NR1H4: variants seen among roughly 807,000 people sequenced by gnomAD.
NR1H4 encodes the protein bile acid receptor.
A neutral mutation model predicts 58.5 loss-of-function variants in NR1H4; 23 were observed. The ratio of observed to expected loss-of-function variants is 0.39; its 90% CI spans 0.28 to 0.56. NR1H4 has a LOEUF of 0.56. Among genes scored for constraint, NR1H4 ranks in the 20% least tolerant of loss-of-function variants. The pLI is 0.58. For synonymous variants in NR1H4, 214 were observed against 198.0 expected (o/e 1.08, Z -0.68); for missense variants, 487 against 576.9 (o/e 0.84, Z 1.60).
intron 1 of NR1H4, among the ~76,000 whole-genome samples, chr12:100,482,326 G>A (rs942192585): frequency 6.6e-6 from 1 of 151,976 alleles, no homozygotes; most frequent in Non-Finnish European, 1.5e-5. Flanking sequence ...TTCGGCTCTT[G>A]TGTGTATTGT....
rs140003986 is a variant in NR1H4 at position 100,513,431 on chromosome 12, G to A, written c.445+2288G>A. Among the ~76,000 whole-genome samples, 626 of 150,922 alleles carry A rather than the reference G, an allele frequency of 4.1e-3. 8 individuals are homozygous for A. Among genetic ancestry groups the A allele is most frequent in the African/African-American group, 0.014 (591 of 41,052 alleles). On this transcript the variant is annotated intron_variant, in intron 4 of 10. Coordinates refer to ENST00000392986, the MANE Select transcript of NR1H4 (RefSeq NM_001206979.2). ...TTGAGCTGGCAGAGCTGTGGAGATC[G>A]AGATCTGCTTATGTTAAAGATTTTA... is the stretch of plus-strand genomic sequence containing the variant.
intron 1 of NR1H4, among the ~76,000 whole-genome samples, chr12:100,482,283 A>G (rs1953398561): frequency 6.6e-6 from 1 of 151,882 alleles, no homozygotes; most frequent in Admixed American, 6.5e-5. Flanking sequence ...CTTAGTTGTT[A>G]GATTTCTTTA....
chr12:100,522,330 T>C (rs753799184), intron 4 of NR1H4, among the ~76,000 whole-genome samples: 23 of 152,142 alleles, frequency 1.5e-4, no homozygotes, highest in Non-Finnish European at 2.2e-4. Flanking sequence ...ATTTGTTTAA[T>C]CTTCAGGACA....
At position 100,536,579 on chromosome 12, in the gene NR1H4, A is replaced by G; in HGVS notation, c.800A>G (p.Gln267Arg). ...LHFIMDSYNK[Q>R]RMPQEITNKI... Reference sequence around the variant, plus strand: ...TTTATTATGGATTCATATAACAAACAGAGGATGCCTCAGGAAATAACAAAT... The same window carrying G: ...TTTATTATGGATTCATATAACAAACGGAGGATGCCTCAGGAAATAACAAAT... Residue 267 changes from glutamine (Q) to arginine (R), a missense_variant, in exon 7 of 11, where the codon CAG becomes CGG. Transcript: ENST00000392986. 6.3e-7 allele frequency: 1 copy of G among 1,598,822 alleles called. No individual in the cohort carries two copies. Among genetic ancestry groups the G allele is most frequent in the Non-Finnish European group, 8.6e-7 (1 of 1,166,218 alleles).
intron 1 of NR1H4, among the ~76,000 whole-genome samples, chr12:100,486,783 G>C (rs2136088595): frequency 6.6e-6 from 1 of 151,850 alleles, no homozygotes; most frequent in South Asian, 2.1e-4. Context: ...AATGGGTGAG[G>C]GAAAATGTAC....
chr12:100,516,775 A>G (rs531183596), intron 4 of NR1H4, among the ~76,000 whole-genome samples: 2 of 152,340 alleles, frequency 1.3e-5, no homozygotes, highest in Non-Finnish European at 2.9e-5. Context: ...AGGAATAAGC[A>G]TATCATTTCC....
chr12:100,482,172 A>G (rs1374691625), intron 1 of NR1H4, among the ~76,000 whole-genome samples: 1 of 152,178 alleles, frequency 6.6e-6, no homozygotes, highest in Non-Finnish European at 1.5e-5. Flanking sequence ...CAACTCATGT[A>G]TAAAATGGTT....
intron 4 of NR1H4, among the ~76,000 whole-genome samples, chr12:100,517,753 G>A (rs1954304501): frequency 6.6e-6 from 1 of 152,086 alleles, no homozygotes; most frequent in African/African-American, 2.4e-5. Flanking sequence ...TTGTAGTTTT[G>A]CATTTTCCTG....
In NR1H4 at chr12:100,479,060, A is replaced by G. The variant is rs558555876; in HGVS notation, c.-190+5001A>G. Among the ~76,000 whole-genome samples, 5 of 151,898 alleles carry G rather than the reference A, an allele frequency of 3.3e-5. 1 individual carries two copies. The highest frequency in any genetic ancestry group is 9.7e-5 in the African/African-American group (4 of 41,398). On this transcript the variant is annotated intron_variant, in intron 1 of 10. Transcript: ENST00000392986. ...AATTTCCTTTTTGTATCCTTTGCCAATTTCTCTCTTGGGTTGTTTATCCTT... is the reference window on the plus strand; with the variant it reads ...AATTTCCTTTTTGTATCCTTTGCCAGTTTCTCTCTTGGGTTGTTTATCCTT...
intron 1 of NR1H4, among the ~76,000 whole-genome samples, chr12:100,487,589 C>T (rs191632972): frequency 8.0e-6 from 1 of 124,774 alleles, no homozygotes; most frequent in African/African-American, 2.6e-5. Context: ...GATTCTTCTT[C>T]TTCTTCTTTT....
intron 1 of NR1H4, among the ~76,000 whole-genome samples, chr12:100,476,747 TAC>T (rs1272710764): frequency 6.6e-6 from 1 of 152,128 alleles, no homozygotes; most frequent in African/African-American, 2.4e-5. Flanking sequence ...ACAAGCTAGA[TAC>T]AGTGATGAGT....
intron 4 of NR1H4, 46 bp downstream of exon 4, chr12:100,511,189 T>G: frequency 6.2e-7 from 1 of 1,613,636 alleles, no homozygotes; most frequent in Non-Finnish European, 8.5e-7. Flanking sequence ...TTTTACTATA[T>G]TGGTTGTTGA....
intron 1 of NR1H4, among the ~76,000 whole-genome samples, chr12:100,486,689 C>T (rs567429712): frequency 2.0e-5 from 3 of 151,486 alleles, no homozygotes; most frequent in East Asian, 1.9e-4. Flanking sequence ...AGAGAATGAT[C>T]GATAATAAGA....
intron 9 of NR1H4, among the ~76,000 whole-genome samples, chr12:100,553,666 G>A (rs1955258169): frequency 6.6e-6 from 1 of 152,234 alleles, no homozygotes; most frequent in South Asian, 2.1e-4. Flanking sequence ...GAGGAAGGGT[G>A]ACAGCAGAAT....
chr12:100,507,181 T>A (rs1953986812), intron 3 of NR1H4, among the ~76,000 whole-genome samples: 1 of 152,020 alleles, frequency 6.6e-6, no homozygotes, highest in Admixed American at 6.6e-5. Context: ...GGAAGGGGAG[T>A]TAAGGGAATA....
chr12:100,490,957 A>G (rs1279634460), intron 1 of NR1H4, among the ~76,000 whole-genome samples: 1 of 152,118 alleles, frequency 6.6e-6, no homozygotes, highest in Non-Finnish European at 1.5e-5. Context: ...CACCATGCCC[A>G]GCTAATTTTT....
intron 9 of NR1H4, among the ~76,000 whole-genome samples, chr12:100,561,282 C>A (rs1955466524): frequency 6.6e-6 from 1 of 152,122 alleles, no homozygotes; most frequent in Non-Finnish European, 1.5e-5. Flanking sequence ...CCTGTAGTCC[C>A]AGCTACTGGG....
At chr12:100,531,895 C>T (rs915360155) in intron 4 of NR1H4, among the ~76,000 whole-genome samples, 3 of 152,060 alleles carry the variant, frequency 2.0e-5, no homozygotes, top group Non-Finnish European at 4.4e-5. Flanking sequence ...ACCTTGAATG[C>T]GATTTTCTCC....
At chr12:100,503,333 G>A in intron 3 of NR1H4, 1 of 1,565,200 alleles carries the variant, frequency 6.4e-7, no homozygotes, top group Admixed American at 1.8e-5. Context: ...CACAACCTCT[G>A]TCCTCTCTCA....
Sources: allele counts gnomAD v4.1 joint callset (sites outside exome capture counted in the v4.1 genomes callset), GRCh38; gene constraint gnomAD v4.1.1; transcripts MANE v1.5; gene names NCBI Gene and HGNC (gene_info 2026-07-23, HGNC 2026-07-21).